Variants in HNRNPK observed in about 807,000 individuals in gnomAD.
The protein encoded by HNRNPK is dC-stretch binding protein.
A neutral mutation model predicts 67.0 loss-of-function variants in HNRNPK; 7 were observed. That is an observed-to-expected ratio of 0.10 (90% CI 0.06 to 0.20). The LOEUF is 0.20. Among genes scored for constraint, HNRNPK ranks in the 10% least tolerant of loss-of-function variants. HNRNPK has a pLI of 1.00. For synonymous variants in HNRNPK, 213 were observed against 193.7 expected, an observed-to-expected ratio of 1.10 and a Z score of -0.83; for missense variants, 264 against 606.5, an observed-to-expected ratio of 0.44 and a Z score of 5.93.
Position 83,969,175 on chromosome 9 carries a change from G to A in HNRNPK, c.*232C>T, listed in dbSNP as rs576710148. The A allele has an allele frequency of 1.9e-5, 10 of 518,994 alleles. No individual in the cohort carries two copies. Among genetic ancestry groups the A allele is most frequent in the South Asian group, 1.6e-4 (5 of 30,908 alleles). 32.1% of individuals were successfully genotyped at this position (518,994 alleles called of 1,614,324 possible). ...AAAATTTCAATGTTAGTTTTTGCAC[G>A]CCCTTCCCCCCCCCAACCCTGTTTG... On this transcript the variant is annotated 3_prime_UTR_variant, in exon 17 of 17. Transcript: ENST00000376263.
chr9:83,978,489 T>A, intron 1 of HNRNPK, 37 bp from the exon 2 acceptor site: 1 of 622,160 alleles, frequency 1.6e-6, no homozygotes, highest in Non-Finnish European at 2.3e-6. Context: ...TGCTTTTGTT[T>A]ATTCTTATTA....
At chr9:83,976,784 G>T in intron 5 of HNRNPK, 1 of 416,406 alleles carries the variant, frequency 2.4e-6, no homozygotes, top group Non-Finnish European at 4.3e-6. Flanking sequence ...AATGTGAAGA[G>T]GTTTGAAAGA....
At chr9:83,978,790 T>C (rs2133069746) in intron 1 of HNRNPK, among the ~76,000 whole-genome samples, 1 of 152,358 alleles carries the variant, frequency 6.6e-6, no homozygotes, top group South Asian at 2.1e-4. Context: ...ATGCATCTTA[T>C]TCACTGGGAA....
At chr9:83,977,172 T>C in intron 4 of HNRNPK, 121 bp from the exon 5 acceptor site, 1 of 712,262 alleles carries the variant, frequency 1.4e-6, no homozygotes, top group South Asian at 1.8e-5. Context: ...AAAATCTATT[T>C]GGGGTTGTAA....
At chr9:83,978,474 A>G in intron 1 of HNRNPK, 22 bp from the exon 2 acceptor site, 2 of 849,532 alleles carry the variant, frequency 2.4e-6, no homozygotes, top group Non-Finnish European at 3.2e-6. Context: ...AACACAAATC[A>G]GTTTTGCTTT....
intron 4 of HNRNPK, 125 bp from the exon 5 acceptor site, chr9:83,977,176 G>T: frequency 1.3e-4 from 84 of 669,696 alleles, no homozygotes; most frequent in East Asian, 2.0e-4. Context: ...TCTATTTGGG[G>T]TTGTAAAAAC....
upstream of HNRNPK, chr9:83,980,399 A>AGGGCTC (rs999463682): frequency 6.5e-6 from 1 of 152,676 alleles, no homozygotes; most frequent in Non-Finnish European, 1.5e-5. Flanking sequence ...GAGGCCACTA[A>AGGGCTC]GGGCTCGAGA....
intron 6 of HNRNPK, 105 bp from the exon 7 acceptor site, chr9:83,974,694 T>A (rs1956998624): frequency 1.4e-6 from 1 of 716,562 alleles, no homozygotes; most frequent in Admixed American, 2.5e-5. Context: ...ATGTAACACA[T>A]GATTATTTAA....
intron 5 of HNRNPK, 70 bp downstream of exon 5, chr9:83,976,925 A>T: frequency 1.2e-6 from 1 of 842,520 alleles, no homozygotes; most frequent in Non-Finnish European, 1.9e-6. Flanking sequence ...TCTAGGATGT[A>T]AATCTTTAAA....
chr9:83,971,783 T>C, intron 11 of HNRNPK, 57 bp from the exon 12 acceptor site: 1 of 1,598,610 alleles, frequency 6.3e-7, no homozygotes, highest in South Asian at 1.1e-5. Flanking sequence ...ACATATCAAA[T>C]CAAAGTCTAC....
intron 10 of HNRNPK, among the ~76,000 whole-genome samples, chr9:83,972,436 T>G (rs1299244248): frequency 2.0e-5 from 3 of 152,202 alleles, no homozygotes; most frequent in Non-Finnish European, 4.4e-5. Flanking sequence ...AATAGCTTGC[T>G]CTTACACTTA....
In HNRNPK at chr9:83,970,351, G is replaced by GT; in HGVS notation, c.1192-21dup. 1 of 1,596,104 alleles carries GT rather than the reference G, an allele frequency of 6.3e-7. No individual in the cohort carries two copies. Among genetic ancestry groups the GT allele is most frequent in the Non-Finnish European group, 8.6e-7 (1 of 1,168,078 alleles). The stretch of plus-strand genomic sequence containing the variant: ...AGCCAACTGAAAAGATTTTTTAAAA[G>GT]TATGTGTTTACGATATACTTTTAAC... On this transcript the variant is annotated intron_variant, in intron 15 of 16. Coordinates refer to ENST00000376263, the MANE Select transcript of HNRNPK (RefSeq NM_031263.4).
intron 6 of HNRNPK, 158 bp downstream of exon 6, chr9:83,975,304 G>A: frequency 1.5e-6 from 1 of 680,358 alleles, no homozygotes; most frequent in Non-Finnish European, 2.6e-6. Context: ...CACGGTAAAA[G>A]TTCAGTGACA....
Position 83,974,604 on chromosome 9 carries a change from A to C in HNRNPK, c.258-15T>G. On this transcript the variant is annotated splice_polypyrimidine_tract_variant and intron_variant, in intron 6 of 16. Coordinates refer to ENST00000376263, the MANE Select transcript of HNRNPK (RefSeq NM_031263.4). Reference sequence around the variant, plus strand: ...TACTCAATATGCTGTCAAACACCACAAATACCAGATAGTACAAAAAAGGTG... The same window carrying C: ...TACTCAATATGCTGTCAAACACCACCAATACCAGATAGTACAAAAAAGGTG... 6.3e-7 allele frequency: 1 copy of C among 1,577,080 alleles called. No homozygotes were observed. Among genetic ancestry groups the C allele is most frequent in the Non-Finnish European group, 8.7e-7 (1 of 1,151,520 alleles).
chr9:83,970,099 G>T, intron 16 of HNRNPK, 63 bp downstream of exon 16: 1 of 1,362,270 alleles, frequency 7.3e-7, no homozygotes, highest in Non-Finnish European at 1.0e-6. Flanking sequence ...AATCAATTGA[G>T]AAGAAAAGCT....
chr9:83,972,341 T>G (rs1235638872), intron 10 of HNRNPK, 152 bp from the exon 11 acceptor site: 1 of 611,340 alleles, frequency 1.6e-6, no homozygotes, highest in African/African-American at 1.9e-5. Context: ...ACGCTAAAAG[T>G]AGCAAAGTAA....
chr9:83,972,689 TTTAAA>T (rs1435235373), intron 10 of HNRNPK, among the ~76,000 whole-genome samples, 150 bp downstream of exon 10: 3 of 152,214 alleles, frequency 2.0e-5, no homozygotes, highest in African/African-American at 7.2e-5. Flanking sequence ...CAAAACCATT[TTTAAA>T]TTAAAGTGAT....
intron 15 of HNRNPK, 157 bp from the exon 16 acceptor site, chr9:83,970,488 TTA>T (rs1345527567): frequency 1.8e-5 from 12 of 672,792 alleles, no homozygotes; most frequent in African/African-American, 3.6e-5. Flanking sequence ...TATAATGTAT[TTA>T]TGTCACACTT....
intron 10 of HNRNPK, 28 bp from the exon 11 acceptor site, chr9:83,972,217 A>G: frequency 1.3e-6 from 2 of 1,521,666 alleles, no homozygotes; most frequent in South Asian, 2.5e-5. Flanking sequence ...ACAAACTTAC[A>G]GACTGAAGAA....
Sources: gnomAD v4.1 joint callset for allele counts (sites outside exome capture counted in the v4.1 genomes callset) on GRCh38, gnomAD v4.1.1 for gene constraint, MANE v1.5 for transcripts, NCBI Gene and HGNC (gene_info 2026-07-23, HGNC 2026-07-21) for gene names.